The following NOS1AP variants were observed in gnomAD, a reference collection of about 807,000 sequenced individuals.
The protein encoded by NOS1AP is carboxyl-terminal PDZ ligand of neuronal nitric oxide synthase protein.
A neutral mutation model predicts 56.2 loss-of-function variants in NOS1AP; 21 were observed. That is an observed-to-expected ratio of 0.37 (90% CI 0.26 to 0.54). The LOEUF is 0.54. Ranked by LOEUF, NOS1AP falls within the 20% of genes least tolerant of loss-of-function variation. The pLI, the probability that NOS1AP is intolerant of heterozygous loss-of-function variation, is 0.84. For synonymous variants in NOS1AP, 270 were observed against 274.6 expected (o/e 0.98, Z 0.17); for missense variants, 522 against 657.8 (o/e 0.79, Z 2.26).
chr1:162,163,270 CT>C (rs1417715239), intron 2 of NOS1AP, among the ~76,000 whole-genome samples: 1 of 151,946 alleles, frequency 6.6e-6, no homozygotes. Flanking sequence ...TTAGAAAACA[CT>C]TGATAGGGAT....
chr1:162,334,906 T>G (rs922077584), intron 5 of NOS1AP, among the ~76,000 whole-genome samples: 1 of 152,180 alleles, frequency 6.6e-6, no homozygotes, highest in Non-Finnish European at 1.5e-5. Context: ...CAGGGAGACA[T>G]GCAGGACAAA....
At chr1:162,251,884 T>G (rs1233972421) in intron 2 of NOS1AP, among the ~76,000 whole-genome samples, 4 of 144,382 alleles carry the variant, frequency 2.8e-5, no homozygotes, top group African/African-American at 5.1e-5. Context: ...TTTTTTTTTT[T>G]TTTTTGTGGA....
At chr1:162,261,517 A>AAGAGAAGAGAG (rs1654229716) in intron 2 of NOS1AP, among the ~76,000 whole-genome samples, 1 of 27,138 alleles carries the variant, frequency 3.7e-5, no homozygotes, top group African/African-American at 1.1e-4. Context: ...AGAGAGAGAG[A>AAGAGAAGAGAG]GAGAGAGAGA....
chr1:162,089,346 T>C (rs1256803467), intron 1 of NOS1AP, among the ~76,000 whole-genome samples: 3 of 152,254 alleles, frequency 2.0e-5, no homozygotes. Context: ...TCACTTGCTT[T>C]ATCCTACACT....
At chr1:162,333,232 G>A in intron 5 of NOS1AP, 107 bp downstream of exon 5, 2 of 751,574 alleles carry the variant, frequency 2.7e-6, no homozygotes, top group Non-Finnish European at 4.8e-6. Context: ...ATGCCGACAT[G>A]GGGCAACTAT....
At chr1:162,275,928 G>C (rs956174469) in intron 2 of NOS1AP, among the ~76,000 whole-genome samples, 4 of 152,148 alleles carry the variant, frequency 2.6e-5, no homozygotes, top group African/African-American at 7.2e-5. Flanking sequence ...GGCAGGAGTT[G>C]GCAAACCATG....
At chr1:162,088,974 C>A (rs1207899600) in intron 1 of NOS1AP, among the ~76,000 whole-genome samples, 1 of 152,168 alleles carries the variant, frequency 6.6e-6, no homozygotes, top group Admixed American at 6.5e-5. Flanking sequence ...TCTCCTTCCC[C>A]TTCATCTCTC....
chr1:162,366,492 C>T (rs1048507532), intron 9 of NOS1AP, among the ~76,000 whole-genome samples: 1 of 152,072 alleles, frequency 6.6e-6, no homozygotes, highest in African/African-American at 2.4e-5. Context: ...CCAGTGGTTC[C>T]CCCAAACCAT....
At chr1:162,119,386 T>C (rs1311355957) in intron 1 of NOS1AP, among the ~76,000 whole-genome samples, 1 of 152,222 alleles carries the variant, frequency 6.6e-6, no homozygotes, top group Non-Finnish European at 1.5e-5. Context: ...TCTGCAAGCA[T>C]TGAGCTCGTG....
At position 162,090,246 on chromosome 1, in the gene NOS1AP, A is replaced by T. The variant is rs185203408; in HGVS notation, c.105+19964A>T. Among the ~76,000 whole-genome samples the T allele has an allele frequency of 2.7e-4, 35 of 128,626 alleles. No homozygotes were observed. In the East Asian group the frequency reaches 7.4e-3, roughly 27 times the overall value. 84.4% of individuals were successfully genotyped at this position (128,626 alleles called of 152,430 possible). Reference sequence around the variant, plus strand: ...ATTAAATCTGTGGTTGACATTTTTTAAAAAATCTTAAGTGTTATTCCATCT... The same window carrying T: ...ATTAAATCTGTGGTTGACATTTTTTTAAAAATCTTAAGTGTTATTCCATCT... On this transcript the variant is annotated intron_variant, in intron 1 of 9. Transcript: ENST00000361897.
intron 2 of NOS1AP, among the ~76,000 whole-genome samples, chr1:162,204,833 C>T (rs746747302): frequency 3.3e-5 from 5 of 152,122 alleles, no homozygotes; most frequent in Non-Finnish European, 7.4e-5. Flanking sequence ...GAAGACTGTA[C>T]GTGCACATGT....
chr1:162,077,062 T>A (rs1474445549), intron 1 of NOS1AP, among the ~76,000 whole-genome samples: 1 of 152,252 alleles, frequency 6.6e-6, no homozygotes, highest in East Asian at 1.9e-4. Context: ...TACAAGTTTT[T>A]GTGCAGGCAT....
At chr1:162,133,115 G>C (rs1033665287) in intron 1 of NOS1AP, among the ~76,000 whole-genome samples, 2 of 152,160 alleles carry the variant, frequency 1.3e-5, no homozygotes, top group African/African-American at 4.8e-5. Context: ...TCATTCTGTA[G>C]CAGCCATTTA....
chr1:162,294,228 A>AAGGAGGG (rs1557867016), intron 3 of NOS1AP, among the ~76,000 whole-genome samples: 2 of 105,536 alleles, frequency 1.9e-5, no homozygotes, highest in African/African-American at 4.1e-5. Flanking sequence ...AGGAAGGAAG[A>AAGGAGGG]AAGAAAGGAA....
intron 2 of NOS1AP, among the ~76,000 whole-genome samples, chr1:162,160,830 A>G (rs1464711924): frequency 6.6e-6 from 1 of 152,224 alleles, no homozygotes; most frequent in Middle Eastern, 3.2e-3. Context: ...ATTATTTAAT[A>G]ATACAAACTT....
chr1:162,369,358 C>T lies in NOS1AP; in HGVS notation c.*1891C>T, dbSNP rs754497691. 1 of 152,142 alleles carries T rather than the reference C, an allele frequency of 6.6e-6. No homozygotes were observed. Among genetic ancestry groups the T allele is most frequent in the Non-Finnish European group, 1.5e-5 (1 of 68,036 alleles). 9.4% of individuals were successfully genotyped at this position (152,142 alleles called of 1,614,324 possible). A position where few individuals can be genotyped will look rare whatever the true frequency, so the allele number is the denominator to read the frequency against. The stretch of plus-strand genomic sequence containing the variant: ...AACTAAATGAGCAGCTGTCAGAATC[C>T]AGTGTGGCTGAGCCTACCTAGCTTA... On this transcript the variant is annotated 3_prime_UTR_variant, in exon 10 of 10. Coordinates refer to ENST00000361897, the MANE Select transcript of NOS1AP (RefSeq NM_014697.3).
intron 2 of NOS1AP, among the ~76,000 whole-genome samples, chr1:162,221,685 C>T (rs759426450): frequency 8.6e-5 from 13 of 151,804 alleles, no homozygotes; most frequent in East Asian, 1.9e-4. Context: ...AATTTTCAAA[C>T]GGAGGGTATT....
intron 4 of NOS1AP, among the ~76,000 whole-genome samples, chr1:162,331,634 T>C (rs1380884985): frequency 6.6e-6 from 1 of 152,190 alleles, no homozygotes; most frequent in African/African-American, 2.4e-5. Context: ...AGACCTACAC[T>C]AAAACAAATC....
chr1:162,240,835 C>T (rs1653468131), intron 2 of NOS1AP, among the ~76,000 whole-genome samples: 1 of 152,204 alleles, frequency 6.6e-6, no homozygotes, highest in South Asian at 2.1e-4. Context: ...GCAATTATGG[C>T]CCTGCCCTTG....
Sources: gnomAD v4.1 joint callset for allele counts (sites outside exome capture counted in the v4.1 genomes callset) on GRCh38, gnomAD v4.1.1 for gene constraint, MANE v1.5 for transcripts, NCBI Gene and HGNC (gene_info 2026-07-23, HGNC 2026-07-21) for gene names.